Variants in AGAP1 observed in about 807,000 individuals in gnomAD.
AGAP1 encodes the protein ArfGAP with GTPase domain, ankyrin repeat and PH domain 1.
In AGAP1, 29 loss-of-function variants were observed where a neutral mutation model predicts 105.3. The observed-to-expected ratio is 0.28, with a 90% CI of 0.21 to 0.38. AGAP1 has a LOEUF of 0.38. Ranked by LOEUF, AGAP1 falls within the 10% of genes least tolerant of loss-of-function variation. The pLI, the probability that AGAP1 is intolerant of heterozygous loss-of-function variation, is 1.00. For synonymous variants in AGAP1, 509 were observed against 485.9 expected (o/e 1.05, Z -0.63); for missense variants, 998 against 1,165.1 (o/e 0.86, Z 2.09).
chr2:235,751,037 A>G lies in AGAP1; in HGVS notation c.673+549A>G, dbSNP rs1242208418. ...TTTTAGGTTATTTTATTCATTATTG[A>G]TCACCTACCTTCAGGAACAGCCACA... On this transcript the variant is annotated intron_variant, in intron 6 of 17. Coordinates refer to ENST00000304032, the MANE Select transcript of AGAP1 (RefSeq NM_001037131.3). This position sits in a 1 kb window ranked among gnomAD's most constrained non-coding sequence, Gnocchi z 5.3. Among the ~76,000 whole-genome samples, 1 of 152,168 alleles carries G rather than the reference A, an allele frequency of 6.6e-6. No individual in the cohort carries two copies. The highest frequency in any genetic ancestry group is 1.5e-5 in the Non-Finnish European group (1 of 68,026).
intron 6 of AGAP1, 31 bp from the exon 7 acceptor site, chr2:235,797,728 A>T (rs199948668): frequency 1.2e-6 from 2 of 1,613,852 alleles, no homozygotes; most frequent in Non-Finnish European, 1.7e-6. Context: ...ATTGATTGAC[A>T]TGGATTTCTT....
intron 13 of AGAP1, among the ~76,000 whole-genome samples, chr2:236,008,716 G>A (rs1198421455): frequency 2.0e-5 from 3 of 152,114 alleles, no homozygotes; most frequent in East Asian, 1.9e-4. Context: ...GTGCACCTAC[G>A]TTAGCCCACT....
In AGAP1 at chr2:235,889,522, G is replaced by A. The variant is rs1406433380; in HGVS notation, c.1155+6073G>A. On this transcript the variant is annotated intron_variant, in intron 10 of 17. Coordinates refer to ENST00000304032, the MANE Select transcript of AGAP1 (RefSeq NM_001037131.3). This position sits in a 1 kb window ranked among gnomAD's most constrained non-coding sequence, Gnocchi z 4.6. ...GCTTTGGATTTCTCTTTCCTTTCTC[G>A]TCATCCCCCAAAAGTGTCTTTGCCT... 2.0e-5 allele frequency among the ~76,000 whole-genome samples: 3 copies of A among 149,196 alleles called. No individual in the cohort carries two copies. The highest frequency in any genetic ancestry group is 4.4e-5 in the Non-Finnish European group (3 of 67,642).
rs775680091 is a variant in AGAP1, at chr2:235,976,297, G to C, written c.1645+7674G>C. 1.3e-5 allele frequency among the ~76,000 whole-genome samples: 2 copies of C among 152,088 alleles called. No individual in the cohort carries two copies. Among genetic ancestry groups the C allele is most frequent in the African/African-American group, 2.4e-5 (1 of 41,394 alleles). ...TTGCTGAAATTGAGTAGATCATCTG[G>C]GTTTACTCTAGACATTGACATTGTA... On this transcript the variant is annotated intron_variant, in intron 13 of 17. Transcript: ENST00000304032. This position sits in a 1 kb window ranked among gnomAD's most constrained non-coding sequence, Gnocchi z 4.5.
rs767005921 is a variant in AGAP1, at chr2:235,725,809, CCCTA to C, written c.310+8166_310+8169del. ...CTTGTCTTCCTATGTGTGTGACAGTCCCTAACTTGACCCCTGGCATGGAAGCCAT... is the reference window on the plus strand; with the variant it reads ...CTTGTCTTCCTATGTGTGTGACAGTCACTTGACCCCTGGCATGGAAGCCAT... On this transcript the variant is annotated intron_variant, in intron 3 of 17. Coordinates refer to ENST00000304032, the MANE Select transcript of AGAP1 (RefSeq NM_001037131.3). This position sits in a 1 kb window ranked among gnomAD's most constrained non-coding sequence, Gnocchi z 5.7. 1.3e-5 allele frequency among the ~76,000 whole-genome samples: 2 copies of C among 152,152 alleles called. No homozygotes were observed. Among genetic ancestry groups the C allele is most frequent in the Non-Finnish European group, 2.9e-5 (2 of 68,036 alleles).
At chr2:236,057,922 G>A (rs186713570) in intron 16 of AGAP1, among the ~76,000 whole-genome samples, 6 of 152,302 alleles carry the variant, frequency 3.9e-5, no homozygotes, top group Admixed American at 6.5e-5. Flanking sequence ...CATACTAGCA[G>A]TGAGAGGGAC....
At chr2:235,815,350 G>T (rs13410875) in intron 9 of AGAP1, among the ~76,000 whole-genome samples, 1 of 152,184 alleles carries the variant, frequency 6.6e-6, no homozygotes, top group African/African-American at 2.4e-5. Context: ...GTGTCCTCCC[G>T]TGGCCTGGAC....
At chr2:236,034,692 G>T (rs1005449803) in intron 13 of AGAP1, among the ~76,000 whole-genome samples, 11 of 152,206 alleles carry the variant, frequency 7.2e-5, no homozygotes, top group African/African-American at 2.7e-4. Flanking sequence ...TCAAGGACAG[G>T]GTGGGTCTCA....
chr2:235,929,468 A>G (rs1372338116), intron 11 of AGAP1, among the ~76,000 whole-genome samples: 3 of 151,926 alleles, frequency 2.0e-5, no homozygotes, highest in Non-Finnish European at 4.4e-5. Flanking sequence ...TTCAGAATGT[A>G]CTCAGTTCAG....
intron 16 of AGAP1, among the ~76,000 whole-genome samples, chr2:236,067,700 T>TTC (rs1197895035): frequency 1.3e-5 from 2 of 152,240 alleles, no homozygotes; most frequent in Non-Finnish European, 2.9e-5. Context: ...GTCCTGTCTT[T>TTC]TCTCTGTTCT....
rs757034286 is a variant in AGAP1, at chr2:235,957,617, C to CTCACT, written c.1484-10840_1484-10836dup. 4.6e-5 allele frequency among the ~76,000 whole-genome samples: 7 copies of CTCACT among 152,198 alleles called. No homozygotes were observed. Among genetic ancestry groups the CTCACT allele is most frequent in the Non-Finnish European group, 8.8e-5 (6 of 68,036 alleles). On this transcript the variant is annotated intron_variant, in intron 12 of 17. Coordinates refer to ENST00000304032, the MANE Select transcript of AGAP1 (RefSeq NM_001037131.3). The surrounding 1 kb of genome is among the most constrained non-coding windows in gnomAD (Gnocchi z 4.6). ...TATGCGAAGGGGTGAGGTTTTGAACCTCACTTCACACTCACCTTTTAACAG... is the reference window on the plus strand; with the variant it reads ...TATGCGAAGGGGTGAGGTTTTGAACCTCACTTCACTTCACACTCACCTTTTAACAG...
rs1336770519 is a variant in AGAP1 at position 235,930,127 on chromosome 2, T to C, written c.1325-638T>C. Among the ~76,000 whole-genome samples, 1 of 152,236 alleles carries C rather than the reference T, an allele frequency of 6.6e-6. No homozygotes were observed. The highest frequency in any genetic ancestry group is 1.5e-5 in the Non-Finnish European group (1 of 68,048). ...AGCAACTGATTCAAATCATTAAGTATACAATGGAATCATTTTTCATCACAG... is the reference window on the plus strand; with the variant it reads ...AGCAACTGATTCAAATCATTAAGTACACAATGGAATCATTTTTCATCACAG... On this transcript the variant is annotated intron_variant, in intron 11 of 17. Coordinates refer to ENST00000304032, the MANE Select transcript of AGAP1 (RefSeq NM_001037131.3). The surrounding 1 kb of genome is among the most constrained non-coding windows in gnomAD (Gnocchi z 7.9).
intron 9 of AGAP1, among the ~76,000 whole-genome samples, chr2:235,880,983 T>C (rs1343035255): frequency 6.6e-6 from 1 of 152,222 alleles, no homozygotes; most frequent in Non-Finnish European, 1.5e-5. Flanking sequence ...CTCAGTTCCA[T>C]ATTTGGTGTA....
intron 12 of AGAP1, among the ~76,000 whole-genome samples, chr2:235,939,742 C>T (rs1460398627): frequency 1.3e-5 from 2 of 152,114 alleles, no homozygotes; most frequent in Non-Finnish European, 2.9e-5. Flanking sequence ...TGCTTGAAAC[C>T]CTCTCTCCTC....
intron 9 of AGAP1, chr2:235,852,897 C>G: frequency 1.5e-6 from 2 of 1,331,810 alleles, no homozygotes; most frequent in Non-Finnish European, 1.9e-6. Flanking sequence ...CGGCCGATAG[C>G]TTGCAGGCCG....
rs1353420994 is a variant in AGAP1 at position 235,623,301 on chromosome 2, A to G, written c.164-85878A>G. Reference sequence around the variant, plus strand: ...ACAGCATGTTGGGCATGTCAAATGAATCTGGGCGTTAGCCTACAAATCAAG... The same window carrying G: ...ACAGCATGTTGGGCATGTCAAATGAGTCTGGGCGTTAGCCTACAAATCAAG... On this transcript the variant is annotated intron_variant, in intron 1 of 17. Coordinates refer to ENST00000304032, the MANE Select transcript of AGAP1 (RefSeq NM_001037131.3). The surrounding 1 kb of genome is among the most constrained non-coding windows in gnomAD (Gnocchi z 4.5). 6.6e-6 allele frequency among the ~76,000 whole-genome samples: 1 copy of G among 151,924 alleles called. No homozygotes were observed. The highest frequency in any genetic ancestry group is 2.4e-5 in the African/African-American group (1 of 41,176).
Position 235,876,822 on chromosome 2 carries a change from T to A in AGAP1, c.1051-6523T>A, listed in dbSNP as rs578144613. On this transcript the variant is annotated intron_variant, in intron 9 of 17. Transcript: ENST00000304032. Reference sequence around the variant, plus strand: ...GTTGCTGCCATTCTAGACCAGTCTTTCCCACATTTGAGTGGTGTGGAACCT... The same window carrying A: ...GTTGCTGCCATTCTAGACCAGTCTTACCCACATTTGAGTGGTGTGGAACCT... Among the ~76,000 whole-genome samples, 3 of 151,582 alleles carry A rather than the reference T, an allele frequency of 2.0e-5. No individual in the cohort carries two copies. In the South Asian group the frequency reaches 6.2e-4, roughly 32 times the overall value.
chr2:236,016,977 A>G (rs2056726342), intron 13 of AGAP1, among the ~76,000 whole-genome samples: 1 of 152,080 alleles, frequency 6.6e-6, no homozygotes, highest in Non-Finnish European at 1.5e-5. Flanking sequence ...CTCATTTCAT[A>G]CGGTTTTTAA....
rs545549339 is a variant in AGAP1 at position 235,626,962 on chromosome 2, GATAGTGGGTC to G, written c.164-82214_164-82205del. Among the ~76,000 whole-genome samples the G allele has an allele frequency of 4.6e-5, 7 of 151,450 alleles. 1 individual carries two copies. In the South Asian group the frequency reaches 1.3e-3, roughly 28 times the overall value. On this transcript the variant is annotated intron_variant, in intron 1 of 17. Coordinates refer to ENST00000304032, the MANE Select transcript of AGAP1 (RefSeq NM_001037131.3). ...AGGACTTTTGTTTTTGAAATCCACT[GATAGTGGGTC>G]ATTCCAGCGCATAGATATGTTGGGT...
Sources: allele counts gnomAD v4.1 joint callset (sites outside exome capture counted in the v4.1 genomes callset), GRCh38; gene constraint gnomAD v4.1.1; non-coding constraint Gnocchi (gnomAD v3.1); transcripts MANE v1.5; gene names NCBI Gene and HGNC (gene_info 2026-07-23, HGNC 2026-07-21).